XKR9: variants seen among roughly 807,000 people sequenced by gnomAD.
The protein encoded by XKR9 is XK related 9, also known as XK-related protein 9.
In XKR9, 32 loss-of-function variants were observed where a neutral mutation model predicts 32.0. That is an observed-to-expected ratio of 1.00 (90% CI 0.76 to 1.34). The LOEUF is 1.34. Among genes scored for constraint, XKR9 ranks in the 40% most tolerant of loss-of-function variants. The pLI is 0.00. For missense variants in XKR9, 546 were observed against 429.7 expected (o/e 1.27, Z -2.39); for synonymous variants, 168 against 143.4 (o/e 1.17, Z -1.22).
At chr8:70,769,677 T>C (rs1276253818) in intron 2 of XKR9, among the ~76,000 whole-genome samples, 1 of 151,930 alleles carries the variant, frequency 6.6e-6, no homozygotes, top group East Asian at 1.9e-4. Flanking sequence ...CATCCTTTAT[T>C]TCATTAATTT....
the XKR9 span, among the ~76,000 whole-genome samples, chr8:70,963,471 G>T: frequency 6.6e-6 from 1 of 152,072 alleles, no homozygotes; most frequent in Admixed American, 6.6e-5. Flanking sequence ...ATATTCCTTT[G>T]GGGATATACA....
At chr8:70,755,368 A>G (rs188614328) in intron 2 of XKR9, among the ~76,000 whole-genome samples, 23 of 152,354 alleles carry the variant, frequency 1.5e-4, no homozygotes, top group African/African-American at 5.3e-4. Flanking sequence ...TCAGGGATCT[A>G]GAACTAGAAA....
At chr8:70,943,813 C>T in the XKR9 span, among the ~76,000 whole-genome samples, 1 of 152,006 alleles carries the variant, frequency 6.6e-6, no homozygotes, top group Non-Finnish European at 1.5e-5. Context: ...TAAATTAAAG[C>T]CCACTTTTAA....
chr8:70,903,510 T>C, the XKR9 span, among the ~76,000 whole-genome samples: 2 of 152,324 alleles, frequency 1.3e-5, no homozygotes, highest in Admixed American at 1.3e-4. Flanking sequence ...TTATTGTGTA[T>C]ATTTTATTCT....
chr8:70,773,866 G>A (rs1177986439), intron 2 of XKR9, among the ~76,000 whole-genome samples: 1 of 152,132 alleles, frequency 6.6e-6, no homozygotes, highest in African/African-American at 2.4e-5. Context: ...TAGTAAGGAG[G>A]CATGGATTGG....
the XKR9 span, among the ~76,000 whole-genome samples, chr8:70,900,194 G>A: frequency 1.3e-5 from 2 of 151,916 alleles, no homozygotes; most frequent in East Asian, 3.9e-4. Context: ...CCTTAATAGA[G>A]ATTTTAAATA....
At chr8:70,862,352 A>G in the XKR9 span, among the ~76,000 whole-genome samples, 1 of 152,218 alleles carries the variant, frequency 6.6e-6, no homozygotes, top group African/African-American at 2.4e-5. Flanking sequence ...TATTAGAGCA[A>G]CTAAGGTTAG....
the XKR9 span, among the ~76,000 whole-genome samples, chr8:70,914,474 A>G: frequency 1.3e-5 from 2 of 151,914 alleles, no homozygotes; most frequent in Non-Finnish European, 2.9e-5. Flanking sequence ...TTTCATTTTT[A>G]TTTACTTTTA....
the XKR9 span, among the ~76,000 whole-genome samples, chr8:70,888,853 A>G: frequency 3.3e-5 from 5 of 151,902 alleles, no homozygotes; most frequent in Non-Finnish European, 7.4e-5. Context: ...CTTTGTTACA[A>G]TAGATTTGTA....
At chr8:70,809,915 A>G in the XKR9 span, among the ~76,000 whole-genome samples, 2 of 152,208 alleles carry the variant, frequency 1.3e-5, no homozygotes, top group South Asian at 2.1e-4. Context: ...GCAGGCCAAC[A>G]TTCAGATTCA....
intron 2 of XKR9, among the ~76,000 whole-genome samples, chr8:70,759,510 C>T (rs1000580227): frequency 3.3e-5 from 5 of 152,130 alleles, no homozygotes; most frequent in African/African-American, 9.7e-5. Context: ...TTGACCTTGT[C>T]ATTTTAATAC....
the XKR9 span, among the ~76,000 whole-genome samples, chr8:70,920,686 C>A: frequency 6.6e-6 from 1 of 151,922 alleles, no homozygotes; most frequent in Non-Finnish European, 1.5e-5. Flanking sequence ...CCCAGCCCCT[C>A]TTTATATATA....
the XKR9 span, among the ~76,000 whole-genome samples, chr8:70,993,502 T>C: frequency 1.3e-5 from 2 of 152,142 alleles, no homozygotes; most frequent in Non-Finnish European, 2.9e-5. Flanking sequence ...TATTTAGCTG[T>C]CTTCAGCCAA....
the XKR9 span, among the ~76,000 whole-genome samples, chr8:70,971,762 G>C: frequency 6.6e-6 from 1 of 152,078 alleles, no homozygotes; most frequent in South Asian, 2.1e-4. Flanking sequence ...TCAAAAATCA[G>C]TTGGGTGTAA....
the XKR9 span, among the ~76,000 whole-genome samples, chr8:71,048,393 T>A: frequency 6.6e-6 from 1 of 152,208 alleles, no homozygotes; most frequent in East Asian, 1.9e-4. Context: ...TTTTTGCTTT[T>A]AAGGTAATAG....
chr8:70,707,300 A>T (rs564415013), intron 4 of XKR9, 147 bp downstream of exon 4: 12 of 603,596 alleles, frequency 2.0e-5, no homozygotes, highest in East Asian at 1.7e-4. Context: ...TGGTTGAAAT[A>T]TCAAAAAGTA....
At chr8:70,974,372 C>G in the XKR9 span, among the ~76,000 whole-genome samples, 1 of 152,062 alleles carries the variant, frequency 6.6e-6, no homozygotes, top group East Asian at 1.9e-4. Context: ...AGGTATTTCT[C>G]CTAATGCTCT....
chr8:70,727,932 A>T (rs2132231766), intron 4 of XKR9, among the ~76,000 whole-genome samples: 1 of 152,174 alleles, frequency 6.6e-6, no homozygotes, highest in Middle Eastern at 3.4e-3. Flanking sequence ...TCTTAGGAGC[A>T]GTTCAGGTAG....
downstream of XKR9, among the ~76,000 whole-genome samples, chr8:70,736,181 T>G (rs1220957509): frequency 1.3e-5 from 2 of 152,138 alleles, no homozygotes; most frequent in Non-Finnish European, 1.5e-5. Flanking sequence ...TGGTATCTCA[T>G]TGTGGTTTTG....
Sources: allele counts gnomAD v4.1 joint callset (sites outside exome capture counted in the v4.1 genomes callset), GRCh38; gene constraint gnomAD v4.1.1; transcripts MANE v1.5; gene names NCBI Gene and HGNC (gene_info 2026-07-23, HGNC 2026-07-21).